GNAQ: variants seen among roughly 807,000 people sequenced by gnomAD.
GNAQ encodes guanine nucleotide-binding protein G(q) subunit alpha.
Under a neutral mutation model 43.9 loss-of-function variants are expected in GNAQ, and 8 were observed. The observed-to-expected ratio is 0.18, with a 90% CI of 0.11 to 0.33. GNAQ has a LOEUF of 0.33. Among genes scored for constraint, GNAQ ranks in the 10% least tolerant of loss-of-function variants. The pLI is 1.00. For missense variants in GNAQ, 158 were observed against 450.8 expected (o/e 0.35, Z 5.88); for synonymous variants, 155 against 170.7 (o/e 0.91, Z 0.71).
intron 1 of GNAQ, among the ~76,000 whole-genome samples, chr9:77,985,107 G>A (rs1181327177): frequency 6.6e-6 from 1 of 152,110 alleles, no homozygotes; most frequent in East Asian, 1.9e-4. Context: ...TGAGGAGATC[G>A]AGACCATCCT....
intron 1 of GNAQ, among the ~76,000 whole-genome samples, chr9:78,013,466 C>A (rs1410339563): frequency 3.3e-5 from 5 of 151,896 alleles, no homozygotes; most frequent in Admixed American, 2.6e-4. Flanking sequence ...CTCCCCGCTC[C>A]CCCCACCCCA....
intron 1 of GNAQ, among the ~76,000 whole-genome samples, chr9:77,942,443 C>T (rs1056261011): frequency 1.3e-5 from 2 of 152,214 alleles, no homozygotes; most frequent in Admixed American, 1.3e-4. Context: ...ATCCATCACT[C>T]TGCTTTGTGA....
chr9:77,731,998 C>G, intron 5 of GNAQ, among the ~76,000 whole-genome samples: 1 of 152,122 alleles, frequency 6.6e-6, no homozygotes, highest in Non-Finnish European at 1.5e-5. Flanking sequence ...AACCGACATG[C>G]TCTGTTATCA....
At chr9:78,031,009 G>C in intron 1 of GNAQ, 91 bp downstream of exon 1, 1 of 963,718 alleles carries the variant, frequency 1.0e-6, no homozygotes, top group Non-Finnish European at 1.4e-6. Flanking sequence ...CGGGCGCCGG[G>C]GGGCGGGGGC....
chr9:77,753,149 C>CT (rs568388205), intron 5 of GNAQ, among the ~76,000 whole-genome samples: 32 of 149,002 alleles, frequency 2.1e-4, no homozygotes, highest in Non-Finnish European at 3.0e-4. Flanking sequence ...CACTGATAAT[C>CT]TTTTTTCATA....
intron 2 of GNAQ, among the ~76,000 whole-genome samples, chr9:77,851,233 C>T (rs1325353745): frequency 6.6e-6 from 1 of 152,166 alleles, no homozygotes; most frequent in East Asian, 1.9e-4. Flanking sequence ...AAGACTGAGA[C>T]ACCCAAGGTT....
At chr9:78,010,982 T>C (rs1158243646) in intron 1 of GNAQ, among the ~76,000 whole-genome samples, 1 of 152,126 alleles carries the variant, frequency 6.6e-6, no homozygotes, top group Non-Finnish European at 1.5e-5. Context: ...TGACTTGACA[T>C]ATTTACTGGA....
chr9:77,864,826 T>C (rs1827921861), intron 2 of GNAQ, among the ~76,000 whole-genome samples: 1 of 152,178 alleles, frequency 6.6e-6, no homozygotes, highest in Admixed American at 6.5e-5. Context: ...TGTTCTCCTT[T>C]CAGGCCTGGG....
chr9:77,790,507 T>C (rs943723179), intron 5 of GNAQ, among the ~76,000 whole-genome samples: 6 of 152,338 alleles, frequency 3.9e-5, no homozygotes, highest in Non-Finnish European at 5.9e-5. Flanking sequence ...TGTTTAAAGA[T>C]AGTTCAAAAT....
chr9:77,819,899 A>G (rs978980445), intron 2 of GNAQ, among the ~76,000 whole-genome samples: 1 of 151,922 alleles, frequency 6.6e-6, no homozygotes, highest in Non-Finnish European at 1.5e-5. Context: ...ACTTCCACCC[A>G]GTACTAGCTG....
Position 78,020,547 on chromosome 9 carries a change from C to A in GNAQ, c.136+10553G>T, listed in dbSNP as rs374134445. Among the ~76,000 whole-genome samples the A allele has an allele frequency of 1.5e-3, 224 of 152,298 alleles. 5 individuals are homozygous for A. In the South Asian group the frequency reaches 0.045, roughly 31 times the overall value. ...CCCACCATCTGGGTGAGGAAGGGCA[C>A]AGTGGATGTGACAATGAGGATGAAA... is the stretch of plus-strand genomic sequence containing the variant. On this transcript the variant is annotated intron_variant, in intron 1 of 6. Transcript: ENST00000286548.
chr9:77,942,529 C>T (rs1337274940), intron 1 of GNAQ, among the ~76,000 whole-genome samples: 1 of 152,084 alleles, frequency 6.6e-6, no homozygotes, highest in South Asian at 2.1e-4. Context: ...AAAACCACAG[C>T]CTTTACATTA....
At chr9:77,969,808 G>A (rs1205824811) in intron 1 of GNAQ, among the ~76,000 whole-genome samples, 2 of 152,176 alleles carry the variant, frequency 1.3e-5, no homozygotes, top group Admixed American at 1.3e-4. Context: ...CTAAATGTAA[G>A]GCAAAAGGAG....
Position 77,786,355 on chromosome 9 carries a change from C to CAAA in GNAQ, c.735+8105_735+8107dup, listed in dbSNP as rs1226459627. On this transcript the variant is annotated intron_variant, in intron 5 of 6. Coordinates refer to ENST00000286548, the MANE Select transcript of GNAQ (RefSeq NM_002072.5). The stretch of plus-strand genomic sequence containing the variant: ...ATGGTGACAGAGTGAGACTCTGTCT[C>CAAA]AAAAAAAAAAAAAAAAAGAAGAGTT... Among the ~76,000 whole-genome samples, 5 of 60,766 alleles carry CAAA rather than the reference C, an allele frequency of 8.2e-5. No homozygotes were observed. In the East Asian group the frequency reaches 1.4e-3, roughly 17 times the overall value. 39.9% of individuals were successfully genotyped at this position (60,766 alleles called of 152,430 possible).
chr9:77,967,941 T>C (rs1049407698), intron 1 of GNAQ, among the ~76,000 whole-genome samples: 2 of 152,010 alleles, frequency 1.3e-5, no homozygotes, highest in East Asian at 1.9e-4. Flanking sequence ...GATCATACCA[T>C]TGCACTCCAG....
rs182170381 is a variant in GNAQ at position 77,872,412 on chromosome 9, A to C, written c.321+49749T>G. 1.0e-3 allele frequency among the ~76,000 whole-genome samples: 159 copies of C among 152,292 alleles called. 2 individuals are homozygous for C. The highest frequency in any genetic ancestry group is 3.9e-4 in the East Asian group (2 of 5,176). On this transcript the variant is annotated intron_variant, in intron 2 of 6. Transcript: ENST00000286548. Reference sequence around the variant, plus strand: ...GGCTTTCCCTTCCCTGGGGCAATGGAAGCCAAGGTTTAGCTTCAGAGGGAA... The same window carrying C: ...GGCTTTCCCTTCCCTGGGGCAATGGCAGCCAAGGTTTAGCTTCAGAGGGAA...
chr9:77,752,889 A>G (rs1297500343), intron 5 of GNAQ, among the ~76,000 whole-genome samples: 2 of 152,142 alleles, frequency 1.3e-5, no homozygotes, highest in Admixed American at 6.5e-5. Context: ...GATTGAGGCC[A>G]TGCTGGCTAA....
rs12346272 is a variant in GNAQ at position 77,718,939 on chromosome 9, G to C, written c.*2384C>G. Reference sequence around the variant, plus strand: ...TATAAAAGCTCATATTCCAATCCTAGATCAAATGGCAAAAGTTCTACAAAG... The same window carrying C: ...TATAAAAGCTCATATTCCAATCCTACATCAAATGGCAAAAGTTCTACAAAG... On this transcript the variant is annotated 3_prime_UTR_variant, in exon 7 of 7. Coordinates refer to ENST00000286548, the MANE Select transcript of GNAQ (RefSeq NM_002072.5). The C allele has an allele frequency of 2.6e-5, 6 of 231,916 alleles. No individual in the cohort carries two copies. Among genetic ancestry groups the C allele is most frequent in the African/African-American group, 1.1e-4 (5 of 45,316 alleles). 14.4% of individuals were successfully genotyped at this position (231,916 alleles called of 1,614,324 possible).
At chr9:78,014,705 T>C (rs1823815648) in intron 1 of GNAQ, among the ~76,000 whole-genome samples, 1 of 152,140 alleles carries the variant, frequency 6.6e-6, no homozygotes, top group African/African-American at 2.4e-5. Context: ...CAGAACAATA[T>C]TAATAACGAT....
Sources: allele counts gnomAD v4.1 joint callset (sites outside exome capture counted in the v4.1 genomes callset), GRCh38; gene constraint gnomAD v4.1.1; transcripts MANE v1.5; gene names NCBI Gene and HGNC (gene_info 2026-07-23, HGNC 2026-07-21).